CACNA2D3: variants seen among roughly 807,000 people sequenced by gnomAD.
CACNA2D3 encodes calcium voltage-gated channel auxiliary subunit alpha2delta 3.
In CACNA2D3, 60 loss-of-function variants were observed where a neutral mutation model predicts 160.6. The observed-to-expected ratio is 0.37, with a 90% CI of 0.30 to 0.46. The LOEUF is 0.46. Ranked by LOEUF, CACNA2D3 falls within the 20% of genes least tolerant of loss-of-function variation. The pLI, the probability that CACNA2D3 is intolerant of heterozygous loss-of-function variation, is 1.00. For missense variants in CACNA2D3, 1,205 were observed against 1,365.0 expected (o/e 0.88, Z 1.85); for synonymous variants, 558 against 492.9 (o/e 1.13, Z -1.75).
At chr3:54,760,923 C>T (rs983852481) in intron 12 of CACNA2D3, among the ~76,000 whole-genome samples, 7 of 152,066 alleles carry the variant, frequency 4.6e-5, no homozygotes, top group South Asian at 2.1e-4. Context: ...GTGGAGGTGT[C>T]GGGTATACAG....
chr3:54,836,230 T>C (rs77083535), intron 14 of CACNA2D3, among the ~76,000 whole-genome samples: 2 of 123,164 alleles, frequency 1.6e-5, no homozygotes, highest in Non-Finnish European at 3.6e-5. Context: ...TTTTTTCTTT[T>C]TTTTTTTTTT....
rs1172957997 is a variant in CACNA2D3 at position 54,242,818 on chromosome 3, A to G, written c.205-77624A>G. On this transcript the variant is annotated intron_variant, in intron 2 of 37. Transcript: ENST00000474759. ...GAAACCACAGAAAGCAAAACCGTGG[A>G]TAAGGGGGACTACTAAGAAAACATT... Among the ~76,000 whole-genome samples the G allele has an allele frequency of 3.3e-5, 5 of 152,230 alleles. No homozygotes were observed. In the South Asian group the frequency reaches 6.2e-4, roughly 19 times the overall value.
At chr3:54,992,148 T>C (rs1702756156) in intron 31 of CACNA2D3, among the ~76,000 whole-genome samples, 1 of 152,182 alleles carries the variant, frequency 6.6e-6, no homozygotes, top group Admixed American at 6.5e-5. Context: ...GATTTGGGGA[T>C]GTTGCCCAGG....
intron 4 of CACNA2D3, among the ~76,000 whole-genome samples, chr3:54,459,233 T>C (rs201549853): frequency 1.2e-4 from 18 of 151,870 alleles, no homozygotes; most frequent in South Asian, 6.3e-4. Flanking sequence ...AATAAACATA[T>C]GTGTGCATGT....
intron 35 of CACNA2D3, among the ~76,000 whole-genome samples, chr3:55,051,303 T>G (rs1704202125): frequency 1.3e-5 from 2 of 152,292 alleles, no homozygotes; most frequent in South Asian, 4.1e-4. Context: ...CCTTTCTGTT[T>G]GTTAGTTTTC....
intron 29 of CACNA2D3, among the ~76,000 whole-genome samples, chr3:54,976,563 G>A (rs1480331043): frequency 6.6e-6 from 1 of 152,096 alleles, no homozygotes; most frequent in Non-Finnish European, 1.5e-5. Context: ...TGTGAAAAGT[G>A]AGGTTTTCAT....
intron 27 of CACNA2D3, among the ~76,000 whole-genome samples, chr3:54,939,801 G>T (rs1411056829): frequency 6.6e-6 from 1 of 152,188 alleles, no homozygotes. Context: ...GGCATTTTGT[G>T]GGCCTGCTCC....
At position 54,763,103 on chromosome 3, in the gene CACNA2D3, G is replaced by A. The variant is rs71617221; in HGVS notation, c.1247-1115G>A. 4.5e-4 allele frequency among the ~76,000 whole-genome samples: 57 copies of A among 127,580 alleles called. 1 individual carries two copies. The highest frequency in any genetic ancestry group is 4.3e-3 in the Middle Eastern group (1 of 234). 83.7% of individuals were successfully genotyped at this position (127,580 alleles called of 152,430 possible). ...ACTCCATCTCAAAAAAAAAAAAAAA[G>A]AAAGAAAAAGAAATCATGTCTACCC... On this transcript the variant is annotated intron_variant, in intron 12 of 37. Coordinates refer to ENST00000474759, the MANE Select transcript of CACNA2D3 (RefSeq NM_018398.3).
chr3:54,581,831 C>T lies in CACNA2D3; in HGVS notation c.917C>T (p.Pro306Leu). The T allele has an allele frequency of 6.2e-7, 1 of 1,613,724 alleles. No homozygotes were observed. Among genetic ancestry groups the T allele is most frequent in the Non-Finnish European group, 8.5e-7 (1 of 1,179,812 alleles). The change falls in exon 9 of 38, where the codon CCT (proline) becomes CTT (leucine). Residue 306 changes from proline to leucine, a missense_variant. This residue lies in a region of CACNA2D3 where 911 missense variants were observed against 1,002.2 expected (regional missense o/e 0.91). Coordinates refer to ENST00000474759, the MANE Select transcript of CACNA2D3 (RefSeq NM_018398.3). ...AATGAGGAGCTTCACTATGTGGAAC[C>T]TTGCCTGAATGGAACTTTGGTGCAA... The part of the protein sequence containing the change: ...AYNEELHYVE[P>L]CLNGTLVQAD...
Position 54,724,582 on chromosome 3 carries a change from T to G in CACNA2D3, c.1168-28017T>G, listed in dbSNP as rs1328217211. Among the ~76,000 whole-genome samples the G allele has an allele frequency of 2.6e-5, 4 of 152,150 alleles. No homozygotes were observed. The East Asian group carries it at 7.7e-4, about 29-fold the overall frequency. On this transcript the variant is annotated intron_variant, in intron 11 of 37. Transcript: ENST00000474759. ...TAACAAACAGTCTCTCAGAACACAG[T>G]ACCATCAAACTCTAGAACTCAGGAT... is the stretch of plus-strand genomic sequence containing the variant.
intron 2 of CACNA2D3, among the ~76,000 whole-genome samples, chr3:54,238,833 C>T (rs960390525): frequency 6.6e-6 from 1 of 152,196 alleles, no homozygotes; most frequent in Non-Finnish European, 1.5e-5. Context: ...ACTCTCTTTC[C>T]TCCTGTGGGT....
chr3:55,044,152 T>C (rs1332163951), intron 35 of CACNA2D3, among the ~76,000 whole-genome samples: 2 of 152,314 alleles, frequency 1.3e-5, no homozygotes, highest in Admixed American at 1.3e-4. Context: ...AAAAGTCTGC[T>C]GGGATTTTGT....
intron 5 of CACNA2D3, among the ~76,000 whole-genome samples, chr3:54,541,212 G>T (rs1484312416): frequency 1.4e-5 from 2 of 143,458 alleles, no homozygotes; most frequent in Non-Finnish European, 3.0e-5. Flanking sequence ...GGGAGGCAGA[G>T]CTTGCAGTGA....
At chr3:54,909,833 A>G (rs755955781) in intron 27 of CACNA2D3, among the ~76,000 whole-genome samples, 3 of 152,044 alleles carry the variant, frequency 2.0e-5, no homozygotes, top group Admixed American at 2.0e-4. Flanking sequence ...GACTTCAAGG[A>G]GAAAGTGATC....
chr3:54,884,034 A>G (rs1198308127), intron 21 of CACNA2D3, among the ~76,000 whole-genome samples: 1 of 152,178 alleles, frequency 6.6e-6, no homozygotes, highest in African/African-American at 2.4e-5. Context: ...AGGGCCTAGA[A>G]TCATACCTGG....
intron 2 of CACNA2D3, among the ~76,000 whole-genome samples, chr3:54,291,220 A>G (rs1703195367): frequency 1.3e-5 from 2 of 152,206 alleles, no homozygotes. Context: ...CCTATCATGA[A>G]CATATATTAC....
At chr3:54,649,298 AGACTT>A (rs1699714377) in intron 11 of CACNA2D3, among the ~76,000 whole-genome samples, 1 of 152,178 alleles carries the variant, frequency 6.6e-6, no homozygotes. Flanking sequence ...TATAAATGCT[AGACTT>A]GACTGCCCCT....
intron 3 of CACNA2D3, among the ~76,000 whole-genome samples, chr3:54,377,060 G>C (rs1365863850): frequency 6.6e-6 from 1 of 152,204 alleles, no homozygotes; most frequent in East Asian, 1.9e-4. Flanking sequence ...GGGGCCTGGG[G>C]GCAAGGAGCT....
At chr3:54,828,934 GAAA>G (rs1417180250) in intron 14 of CACNA2D3, among the ~76,000 whole-genome samples, 2 of 152,336 alleles carry the variant, frequency 1.3e-5, no homozygotes, top group South Asian at 2.1e-4. Context: ...ACAATCAAGT[GAAA>G]AGCAAGAGGA....
Sources: gnomAD v4.1 joint callset for allele counts (sites outside exome capture counted in the v4.1 genomes callset) on GRCh38, gnomAD v4.1.1 for gene constraint, gnomAD v4.1.1 regional missense constraint, MANE v1.5 for transcripts, NCBI Gene and HGNC (gene_info 2026-07-23, HGNC 2026-07-21) for gene names.